SDK1: variants seen among roughly 807,000 people sequenced by gnomAD.
SDK1 encodes the protein sidekick cell adhesion molecule 1, also known as protein sidekick-1.
SDK1 carries 157 observed loss-of-function variants against 245.5 expected under a neutral mutation model. The ratio of observed to expected loss-of-function variants is 0.64; its 90% CI spans 0.56 to 0.73. The LOEUF is 0.73. Ranked by LOEUF, SDK1 falls within the 30% of genes least tolerant of loss-of-function variation. The probability of loss-of-function intolerance (pLI) is 0.00; values close to 1 mark genes in which losing one functional copy is unlikely to be tolerated. For synonymous variants in SDK1, 1,647 were observed against 1,278.5 expected (o/e 1.29, Z -6.15); for missense variants, 3,583 against 3,002.3 (o/e 1.19, Z -4.52).
chr7:3,475,558 T>C (rs191267451), intron 1 of SDK1, among the ~76,000 whole-genome samples: 92 of 152,348 alleles, frequency 6.0e-4, no homozygotes, highest in African/African-American at 2.1e-3. Context: ...AATTGTGAAG[T>C]TTATTTTGAT....
At chr7:3,652,639 G>C (rs537366089) in intron 4 of SDK1, among the ~76,000 whole-genome samples, 1 of 152,312 alleles carries the variant, frequency 6.6e-6, no homozygotes, top group African/African-American at 2.4e-5. Context: ...CATTCAGACA[G>C]TCAGAAGCGA....
At chr7:3,498,608 C>T (rs1297813147) in intron 1 of SDK1, among the ~76,000 whole-genome samples, 2 of 152,198 alleles carry the variant, frequency 1.3e-5, no homozygotes, top group African/African-American at 4.8e-5. Flanking sequence ...GGTTTTCCAT[C>T]TGTCGGCTTC....
At chr7:3,437,911 G>A (rs1163408489) in intron 1 of SDK1, among the ~76,000 whole-genome samples, 3 of 152,182 alleles carry the variant, frequency 2.0e-5, no homozygotes, top group African/African-American at 4.8e-5. Context: ...AAGAGAGAAC[G>A]CAGTGGTAAT....
At chr7:4,219,738 C>A (rs987364801) in intron 38 of SDK1, among the ~76,000 whole-genome samples, 3 of 152,120 alleles carry the variant, frequency 2.0e-5, no homozygotes, top group Non-Finnish European at 4.4e-5. Context: ...CAGCTCAGAG[C>A]CAAGTGGGAA....
At chr7:3,722,278 C>T (rs970788607) in intron 4 of SDK1, among the ~76,000 whole-genome samples, 6 of 152,142 alleles carry the variant, frequency 3.9e-5, no homozygotes, top group African/African-American at 1.4e-4. Flanking sequence ...CGTCCTATGC[C>T]ATAGCCACTA....
At chr7:3,865,737 A>G (rs374626076) in intron 5 of SDK1, among the ~76,000 whole-genome samples, 2 of 149,428 alleles carry the variant, frequency 1.3e-5, no homozygotes, top group Non-Finnish European at 3.0e-5. Flanking sequence ...CTGGTCTGAA[A>G]CTCCTGGCCT....
chr7:3,897,309 T>C (rs1781636844), intron 5 of SDK1, among the ~76,000 whole-genome samples: 1 of 152,176 alleles, frequency 6.6e-6, no homozygotes, highest in Non-Finnish European at 1.5e-5. Context: ...TTCCAGAACA[T>C]TTCCAGCTTG....
At chr7:3,720,871 A>G (rs1204545790) in intron 4 of SDK1, among the ~76,000 whole-genome samples, 1 of 152,268 alleles carries the variant, frequency 6.6e-6, no homozygotes, top group Non-Finnish European at 1.5e-5. Flanking sequence ...ACAAATATTT[A>G]AAACACAGTG....
At position 4,093,713 on chromosome 7, in the gene SDK1, G is replaced by A. The variant is rs780529078; in HGVS notation, c.3324+14129G>A. Among the ~76,000 whole-genome samples, 5 of 152,314 alleles carry A rather than the reference G, an allele frequency of 3.3e-5. No homozygotes were observed. In the East Asian group the frequency reaches 7.8e-4, roughly 24 times the overall value. On this transcript the variant is annotated intron_variant, in intron 22 of 44. Transcript: ENST00000404826. The stretch of plus-strand genomic sequence containing the variant: ...CAGCGTTTGGAATGACGCATGCCTC[G>A]GTGAAGTCGGGGGCGTGAAGCAACA...
rs529310058 is a variant in SDK1, at chr7:3,685,503, C to T, written c.713+43398C>T. ...AGAAATAATAGAATAAAAACCCGGA[C>T]TTTAGAAAGAAAAGAATGTTGGAGC... On this transcript the variant is annotated intron_variant, in intron 4 of 44. Coordinates refer to ENST00000404826, the MANE Select transcript of SDK1 (RefSeq NM_152744.4). Among the ~76,000 whole-genome samples, 526 of 152,198 alleles carry T rather than the reference C, an allele frequency of 3.5e-3. 20 individuals are homozygous for T. In the East Asian group the frequency reaches 0.074, roughly 21 times the overall value.
intron 4 of SDK1, among the ~76,000 whole-genome samples, chr7:3,724,645 C>G (rs1040336408): frequency 6.6e-6 from 1 of 152,138 alleles, no homozygotes; most frequent in Admixed American, 6.5e-5. Context: ...CCAAGAAAAG[C>G]CCTGGATAGG....
At chr7:3,454,423 T>TGTGTGTGTGC (rs1554273965) in intron 1 of SDK1, among the ~76,000 whole-genome samples, 3,598 of 149,944 alleles carry the variant, frequency 0.024, 61 homozygotes, top group African/African-American at 0.044. Context: ...TGTGTGTGTG[T>TGTGTGTGTGC]GCTGTGTACA....
chr7:3,667,351 C>T (rs1783565142), intron 4 of SDK1, among the ~76,000 whole-genome samples: 1 of 152,148 alleles, frequency 6.6e-6, no homozygotes, highest in South Asian at 2.1e-4. Flanking sequence ...TGTAGAATGA[C>T]ATTTTGGCAA....
At chr7:4,241,679 G>GGGC (rs1426787150) in intron 42 of SDK1, 114 bp from the exon 43 acceptor site, 1 of 1,318,044 alleles carries the variant, frequency 7.6e-7, no homozygotes, top group Non-Finnish European at 1.1e-6. Context: ...CCTCAGCTCT[G>GGGC]GGCTCTGCGT....
chr7:3,439,694 A>T (rs1352955778), intron 1 of SDK1, among the ~76,000 whole-genome samples: 1 of 152,240 alleles, frequency 6.6e-6, no homozygotes, highest in African/African-American at 2.4e-5. Context: ...TTTGGATAAG[A>T]TACAGCTTGC....
intron 1 of SDK1, among the ~76,000 whole-genome samples, chr7:3,436,026 C>T (rs903089155): frequency 6.6e-5 from 10 of 152,160 alleles, no homozygotes; most frequent in Non-Finnish European, 1.0e-4. Context: ...AGCTTAATAT[C>T]ATGTGATTTG....
chr7:3,824,819 A>T (rs1779731903), intron 5 of SDK1, among the ~76,000 whole-genome samples: 1 of 152,208 alleles, frequency 6.6e-6, no homozygotes, highest in Non-Finnish European at 1.5e-5. Flanking sequence ...ACTGAGATGC[A>T]GTCCCATAAT....
At chr7:4,265,023 A>G in intron 44 of SDK1, 101 bp from the exon 45 acceptor site, 1 of 1,501,262 alleles carries the variant, frequency 6.7e-7, no homozygotes, top group Non-Finnish European at 8.9e-7. Context: ...ACCGCGACAC[A>G]CGCCCCTGGG....
intron 40 of SDK1, among the ~76,000 whole-genome samples, chr7:4,224,635 T>C (rs1785318613): frequency 6.6e-6 from 1 of 152,066 alleles, no homozygotes; most frequent in African/African-American, 2.4e-5. Context: ...AATTTTAGTT[T>C]ATATATCTAC....
Sources: gnomAD v4.1 joint callset for allele counts (sites outside exome capture counted in the v4.1 genomes callset) on GRCh38, gnomAD v4.1.1 for gene constraint, MANE v1.5 for transcripts, NCBI Gene and HGNC (gene_info 2026-07-23, HGNC 2026-07-21) for gene names.